The following SOX30 variants were observed in gnomAD, a reference collection of about 807,000 sequenced individuals.
The protein encoded by SOX30 is SRY-box transcription factor 30.
Under a neutral mutation model 58.6 loss-of-function variants are expected in SOX30, and 17 were observed. That is an observed-to-expected ratio of 0.29 (90% CI 0.20 to 0.44). The LOEUF is 0.44. SOX30 is among the 20% of genes least tolerant of loss of function. The probability of loss-of-function intolerance (pLI) is 1.00; values close to 1 mark genes in which losing one functional copy is unlikely to be tolerated. For synonymous variants in SOX30, 421 were observed against 400.2 expected, an observed-to-expected ratio of 1.05 and a Z score of -0.62; for missense variants, 951 against 965.8, an observed-to-expected ratio of 0.98 and a Z score of 0.20.
At chr5:157,652,707 C>T (rs975584071), upstream of SOX30, among the ~76,000 whole-genome samples, 2 of 152,246 alleles carry the variant, frequency 1.3e-5, no homozygotes, top group African/African-American at 4.8e-5. Flanking sequence ...TCACCAGGCC[C>T]TGTGGCCCTA....
chr5:157,652,528 G>A (rs1334804139), upstream of SOX30: 1 of 251,898 alleles, frequency 4.0e-6, no homozygotes, highest in Non-Finnish European at 6.3e-6. Flanking sequence ...CCTTGTGCAC[G>A]CGCTCTGTGC....
rs577049613 is a variant in SOX30 at position 157,650,215 on chromosome 5, T to C, written c.967+897A>G. 1.2e-4 allele frequency among the ~76,000 whole-genome samples: 19 copies of C among 152,180 alleles called. No individual in the cohort carries two copies. In the South Asian group the frequency reaches 3.7e-3, roughly 30 times the overall value. On this transcript the variant is annotated intron_variant, in intron 1 of 4. Transcript: ENST00000265007. ...AAAACACTAAAGATGAAATAAGTAG[T>C]ATAAAGAAAGCTTTCCCTTTCTTTC...
intron 3 of SOX30, among the ~76,000 whole-genome samples, chr5:157,640,344 G>A (rs747134517): frequency 6.6e-6 from 1 of 152,032 alleles, no homozygotes; most frequent in Admixed American, 6.6e-5. Context: ...AAATGAATAG[G>A]AATACTCATA....
At chr5:157,628,916 T>C (rs1156248177) in intron 4 of SOX30, among the ~76,000 whole-genome samples, 3 of 152,182 alleles carry the variant, frequency 2.0e-5, no homozygotes, top group South Asian at 4.1e-4. Context: ...GCTGGGATTA[T>C]GAGTGTGAGC....
intron 3 of SOX30, among the ~76,000 whole-genome samples, chr5:157,643,144 C>G (rs915203551): frequency 6.6e-6 from 1 of 151,982 alleles, no homozygotes; most frequent in East Asian, 1.9e-4. Context: ...AAACCTCTGT[C>G]CAGGCATGAT....
At position 157,627,801 on chromosome 5, in the gene SOX30, T is replaced by C. The variant is rs183397074; in HGVS notation, c.1881-1080A>G. On this transcript the variant is annotated intron_variant, in intron 4 of 4. Coordinates refer to ENST00000265007, the MANE Select transcript of SOX30 (RefSeq NM_178424.2). ...CAAGGTCAGGAGATCGAGACCATCC[T>C]GGCTAACACGGTGAAACCCCATCTC... 1.7e-3 allele frequency among the ~76,000 whole-genome samples: 257 copies of C among 152,254 alleles called. 2 individuals are homozygous for C. The highest frequency in any genetic ancestry group is 5.9e-3 in the African/African-American group (245 of 41,558).
chr5:157,635,206 T>TC lies in SOX30; in HGVS notation c.1880+3023dup, dbSNP rs569655078. 1.9e-4 allele frequency among the ~76,000 whole-genome samples: 29 copies of TC among 152,364 alleles called. No homozygotes were observed. In the South Asian group the frequency reaches 5.0e-3, roughly 26 times the overall value. On this transcript the variant is annotated intron_variant, in intron 4 of 4. Coordinates refer to ENST00000265007, the MANE Select transcript of SOX30 (RefSeq NM_178424.2). ...TTAATGTTTATAGTTGACATACTGCTCTGACATTCTTAAATGAAATAAAAT... is the reference window on the plus strand; with the variant it reads ...TTAATGTTTATAGTTGACATACTGCTCCTGACATTCTTAAATGAAATAAAAT...
chr5:157,660,224 C>T (rs945026223), intron 2 of SOX30, among the ~76,000 whole-genome samples: 2 of 152,104 alleles, frequency 1.3e-5, no homozygotes, highest in African/African-American at 2.4e-5. Context: ...AATTTTAGAC[C>T]GACATGGGCA....
At chr5:157,654,676 C>T (rs1434984537), upstream of SOX30, among the ~76,000 whole-genome samples, 4 of 152,182 alleles carry the variant, frequency 2.6e-5, no homozygotes, top group Non-Finnish European at 5.9e-5. Flanking sequence ...GCACAAAGTA[C>T]AGGTCATAAA....
At position 157,626,384 on chromosome 5, in the gene SOX30, C is replaced by T. The variant is rs374343963; in HGVS notation, c.2218G>A (p.Asp740Asn). Residue 740 changes from aspartate to asparagine, a missense_variant, in exon 5 of 5, where the codon GAC becomes AAC. Around this residue, in one of 7 missense-constraint regions of SOX30, gnomAD observed 381 missense variants for 390.0 expected, o/e 0.98. Coordinates refer to ENST00000265007, the MANE Select transcript of SOX30 (RefSeq NM_178424.2). ...PSSIQQVNVT[D>N]SDEEEEEKVL... is the part of the protein sequence containing the mutation. The stretch of plus-strand genomic sequence containing the variant: ...TTTTCTTCTTCCTCCTCATCACTGT[C>T]GGTGACATTGACTTGCTGGATGCTA... 1.9e-5 allele frequency: 31 copies of T among 1,613,562 alleles called. No individual in the cohort carries two copies. Among genetic ancestry groups the T allele is most frequent in the African/African-American group, 9.4e-5 (7 of 74,842 alleles).
At chr5:157,634,304 C>T (rs1472248722) in intron 4 of SOX30, among the ~76,000 whole-genome samples, 1 of 152,140 alleles carries the variant, frequency 6.6e-6, no homozygotes, top group Non-Finnish European at 1.5e-5. Flanking sequence ...GCCTTCACCT[C>T]CCAGGCTCAA....
At chr5:157,659,917 A>G (rs772823235) in intron 2 of SOX30, among the ~76,000 whole-genome samples, 1 of 152,234 alleles carries the variant, frequency 6.6e-6, no homozygotes, top group Non-Finnish European at 1.5e-5. Flanking sequence ...GGGGTTGTGG[A>G]TACCAAGGTT....
At chr5:157,631,590 G>A (rs1157667763) in intron 4 of SOX30, among the ~76,000 whole-genome samples, 2 of 151,828 alleles carry the variant, frequency 1.3e-5, no homozygotes, top group Non-Finnish European at 2.9e-5. Flanking sequence ...GTGAAACCCC[G>A]TCTCTACTAA....
rs1581384682 is a variant in SOX30, at chr5:157,626,079, GTAA to G, written c.*258_*260del. ...AGTATTTTGCATGTTCCAGGATAAA[GTAA>G]TAATAATACATGTTGATGCAAATTT... On this transcript the variant is annotated 3_prime_UTR_variant, in exon 5 of 5. Transcript: ENST00000265007. 1 of 343,090 alleles carries G rather than the reference GTAA, an allele frequency of 2.9e-6. No homozygotes were observed. Among genetic ancestry groups the G allele is most frequent in the African/African-American group, 2.1e-5 (1 of 47,110 alleles). 21.3% of individuals were successfully genotyped at this position (343,090 alleles called of 1,614,324 possible). A position where few individuals can be genotyped will look rare whatever the true frequency, so the allele number is the denominator to read the frequency against.
intron 4 of SOX30, among the ~76,000 whole-genome samples, chr5:157,629,271 A>C (rs999432362): frequency 2.0e-5 from 3 of 152,212 alleles, no homozygotes; most frequent in African/African-American, 7.2e-5. Flanking sequence ...ATAAATACGT[A>C]AAATGTTATA....
At chr5:157,663,717 C>G (rs1452222347) in intron 2 of SOX30, among the ~76,000 whole-genome samples, 1 of 152,096 alleles carries the variant, frequency 6.6e-6, no homozygotes, top group Non-Finnish European at 1.5e-5. Context: ...TTGTCTCAGC[C>G]CAAAATCTCC....
intron 4 of SOX30, among the ~76,000 whole-genome samples, chr5:157,634,073 A>T (rs1431413442): frequency 6.6e-6 from 1 of 152,244 alleles, no homozygotes; most frequent in Non-Finnish European, 1.5e-5. Flanking sequence ...GAAGGCAGGA[A>T]TAAGATGTTA....
rs141400431 is a variant in SOX30 at position 157,651,323 on chromosome 5, C to A, written c.756G>T (p.Gly252=). The A allele has an allele frequency of 2.5e-5, 41 of 1,613,972 alleles. No homozygotes were observed. Among genetic ancestry groups the A allele is most frequent in the Non-Finnish European group, 3.5e-5 (41 of 1,180,048 alleles). ...VILAPTSGAF[G]PHQQDLRIPL... is the part of the protein sequence containing the mutation. Reference sequence around the variant, plus strand: ...GGATCCTAAGGTCTTGCTGGTGCGGCCCAAAGGCACCGGACGTTGGGGCCA... The same window carrying A: ...GGATCCTAAGGTCTTGCTGGTGCGGACCAAAGGCACCGGACGTTGGGGCCA... Residue 252 remains glycine (G), a synonymous_variant, in exon 1 of 5, where the codon GGG becomes GGT. Transcript: ENST00000265007.
intron 4 of SOX30, among the ~76,000 whole-genome samples, chr5:157,632,734 ATTCT>A (rs1758841806): frequency 6.6e-6 from 1 of 152,216 alleles, no homozygotes; most frequent in Admixed American, 6.5e-5. Flanking sequence ...TAAAAACAAG[ATTCT>A]TTCTGTGCTT....
Sources: allele counts gnomAD v4.1 joint callset (sites outside exome capture counted in the v4.1 genomes callset), GRCh38; gene constraint gnomAD v4.1.1; regional missense constraint gnomAD v4.1.1; transcripts MANE v1.5; gene names NCBI Gene and HGNC (gene_info 2026-07-23, HGNC 2026-07-21).